PHYHIPL: variants seen among roughly 807,000 people sequenced by gnomAD.
The protein encoded by PHYHIPL is phytanoyl-CoA hydroxylase-interacting protein-like.
In PHYHIPL, 9 loss-of-function variants were observed where a neutral mutation model predicts 33.4. The observed-to-expected ratio is 0.27, with a 90% CI of 0.16 to 0.47. The LOEUF (loss-of-function observed/expected upper bound fraction) is 0.47, where lower values mean the gene tolerates loss of function less well. PHYHIPL is among the 20% of genes least tolerant of loss of function. PHYHIPL has a pLI of 0.99. For synonymous variants in PHYHIPL, 153 were observed against 154.1 expected, an observed-to-expected ratio of 0.99 and a Z score of 0.05; for missense variants, 365 against 460.7, an observed-to-expected ratio of 0.79 and a Z score of 1.90.
Position 59,245,917 on chromosome 10 carries a change from A to T in PHYHIPL, c.*326A>T, listed in dbSNP as rs943270875. ...TATAGACTGCTTTAGCAAAGTACAC[A>T]ATAATGGCTTATAAATGGTGTTTAA... On this transcript the variant is annotated 3_prime_UTR_variant, in exon 5 of 5. Transcript: ENST00000373880. The T allele has an allele frequency of 2.7e-5, 6 of 222,670 alleles. No individual in the cohort carries two copies. Among genetic ancestry groups the T allele is most frequent in the Non-Finnish European group, 5.3e-5 (6 of 113,238 alleles). The allele number at this position is 222,670 out of a possible 1,614,324, so 13.8% of individuals were successfully genotyped here.
chr10:59,184,932 G>A (rs950546864), intron 1 of PHYHIPL, among the ~76,000 whole-genome samples: 20 of 149,912 alleles, frequency 1.3e-4, no homozygotes, highest in Admixed American at 2.7e-4. Flanking sequence ...AGTTTGCTGA[G>A]AATGATGGTT....
intron 1 of PHYHIPL, among the ~76,000 whole-genome samples, chr10:59,197,845 A>G (rs916399558): frequency 2.0e-5 from 3 of 151,986 alleles, no homozygotes; most frequent in Non-Finnish European, 4.4e-5. Context: ...CTCCTCTTAC[A>G]TATTATTTAT....
intron 1 of PHYHIPL, among the ~76,000 whole-genome samples, chr10:59,179,967 A>G (rs1838358422): frequency 6.6e-6 from 1 of 151,668 alleles, no homozygotes; most frequent in South Asian, 2.1e-4. Flanking sequence ...CTCTGAAAAT[A>G]TACTGTAAAT....
At chr10:59,212,245 CCT>C (rs965448596) in intron 1 of PHYHIPL, among the ~76,000 whole-genome samples, 2 of 152,280 alleles carry the variant, frequency 1.3e-5, no homozygotes, top group East Asian at 1.9e-4. Flanking sequence ...TAAGAAATAG[CCT>C]CTCTTTCTGT....
chr10:59,176,404 C>T (rs1589251712), upstream of PHYHIPL, among the ~76,000 whole-genome samples: 2 of 152,182 alleles, frequency 1.3e-5, no homozygotes, highest in South Asian at 4.1e-4. Flanking sequence ...GCCCTTCCCG[C>T]GCGCTCGGTC....
At position 59,234,292 on chromosome 10, in the gene PHYHIPL, G is replaced by A; in HGVS notation, c.107-12G>A. On this transcript the variant is annotated splice_polypyrimidine_tract_variant and intron_variant, in intron 1 of 4. Transcript: ENST00000373880. The stretch of plus-strand genomic sequence containing the variant: ...ATTGGAAATTAACTTCCTGTGCATT[G>A]TTTTCTTGCAGGGAACAAATCACAA... The A allele has an allele frequency of 1.9e-6, 3 of 1,542,014 alleles. No homozygotes were observed. Among genetic ancestry groups the A allele is most frequent in the Non-Finnish European group, 2.6e-6 (3 of 1,154,904 alleles).
At chr10:59,221,037 T>G (rs1258962126) in intron 1 of PHYHIPL, among the ~76,000 whole-genome samples, 1 of 152,058 alleles carries the variant, frequency 6.6e-6, no homozygotes, top group African/African-American at 2.4e-5. Context: ...TTTGGTTAAC[T>G]AAGAAACCTT....
chr10:59,239,909 T>A (rs1464013138), intron 4 of PHYHIPL, among the ~76,000 whole-genome samples: 1 of 152,048 alleles, frequency 6.6e-6, no homozygotes, highest in Non-Finnish European at 1.5e-5. Context: ...GAAAAATATT[T>A]AGGAAACTTT....
At chr10:59,177,310 A>T in intron 1 of PHYHIPL, 1 of 671,256 alleles carries the variant, frequency 1.5e-6, no homozygotes, top group Non-Finnish European at 2.4e-6. Flanking sequence ...GTCTCTGGGC[A>T]CTGAAGGGGA....
chr10:59,181,040 T>C (rs1278526399), intron 1 of PHYHIPL, among the ~76,000 whole-genome samples: 2 of 152,178 alleles, frequency 1.3e-5, no homozygotes, highest in African/African-American at 4.8e-5. Flanking sequence ...ATATTGGCTC[T>C]TGAAAGCCGT....
upstream of PHYHIPL, among the ~76,000 whole-genome samples, chr10:59,173,921 G>GTTTTTTTTTTTTTTTTTTT (rs368316005): frequency 3.5e-5 from 2 of 57,558 alleles, no homozygotes; most frequent in African/African-American, 1.1e-4. Flanking sequence ...TACTTCTGAG[G>GTTTTTTTTTTTTTTTTTTT]TTTTTTTTTT....
intron 1 of PHYHIPL, among the ~76,000 whole-genome samples, chr10:59,215,846 AAC>A (rs1491588123): frequency 1.8e-4 from 26 of 148,084 alleles, no homozygotes; most frequent in African/African-American, 6.1e-4. Flanking sequence ...AAAAAAAAAA[AAC>A]AGATTTTTGA....
At chr10:59,183,647 C>A in intron 1 of PHYHIPL, 8 of 984,886 alleles carry the variant, frequency 8.1e-6, no homozygotes, top group Non-Finnish European at 9.6e-6. Context: ...TAACTAAGAG[C>A]TCTGTATTTT....
At chr10:59,194,491 A>G (rs915489576) in intron 1 of PHYHIPL, among the ~76,000 whole-genome samples, 11 of 152,304 alleles carry the variant, frequency 7.2e-5, no homozygotes, top group South Asian at 6.2e-4. Context: ...AGTGCTATTT[A>G]GTGCAGATAA....
At chr10:59,209,447 G>A (rs184565187) in intron 1 of PHYHIPL, among the ~76,000 whole-genome samples, 105 of 152,026 alleles carry the variant, frequency 6.9e-4, no homozygotes, top group African/African-American at 2.5e-3. Flanking sequence ...ATGGAAGGGA[G>A]CAACCGGTAC....
At chr10:59,223,780 C>T (rs768225689) in intron 1 of PHYHIPL, among the ~76,000 whole-genome samples, 1 of 152,056 alleles carries the variant, frequency 6.6e-6, no homozygotes, top group Non-Finnish European at 1.5e-5. Flanking sequence ...CCACCTCAGC[C>T]TCCCAAGTAG....
At chr10:59,205,047 G>T (rs1348211736) in intron 1 of PHYHIPL, among the ~76,000 whole-genome samples, 1 of 151,976 alleles carries the variant, frequency 6.6e-6, no homozygotes, top group South Asian at 2.1e-4. Flanking sequence ...TAGAAACAGG[G>T]TTTTGCCATG....
intron 4 of PHYHIPL, among the ~76,000 whole-genome samples, chr10:59,241,860 G>A (rs961039433): frequency 3.3e-5 from 5 of 151,968 alleles, no homozygotes; most frequent in Non-Finnish European, 7.4e-5. Flanking sequence ...TATCTCTTTT[G>A]TCTGTGCCAA....
chr10:59,198,323 G>C (rs536276660), intron 1 of PHYHIPL, among the ~76,000 whole-genome samples: 1 of 151,906 alleles, frequency 6.6e-6, no homozygotes, highest in African/African-American at 2.4e-5. Flanking sequence ...TTGTCCTTGC[G>C]ATAGTTTTCT....
Sources: allele counts gnomAD v4.1 joint callset (sites outside exome capture counted in the v4.1 genomes callset), GRCh38; gene constraint gnomAD v4.1.1; transcripts MANE v1.5; gene names NCBI Gene and HGNC (gene_info 2026-07-23, HGNC 2026-07-21).